The following TCHP variants were observed in gnomAD, a reference collection of about 807,000 sequenced individuals.
The protein encoded by TCHP is trichoplein keratin filament-binding protein.
A neutral mutation model predicts 88.7 loss-of-function variants in TCHP; 81 were observed. That is an observed-to-expected ratio of 0.91 (90% CI 0.76 to 1.10). TCHP has a LOEUF of 1.10. Among genes scored for constraint, TCHP ranks in the 50% least tolerant of loss-of-function variants. The probability of loss-of-function intolerance (pLI) is 0.00; values close to 1 mark genes in which losing one functional copy is unlikely to be tolerated. For synonymous variants in TCHP, 232 were observed against 232.5 expected, an observed-to-expected ratio of 1.00 and a Z score of 0.02; for missense variants, 641 against 632.1, an observed-to-expected ratio of 1.01 and a Z score of -0.15.
rs1869818699 is a variant in TCHP, at chr12:109,901,884, TC to T, written c.1-1142del. On this transcript the variant is annotated intron_variant, in intron 1 of 12. Coordinates refer to ENST00000405876, the MANE Select transcript of TCHP (RefSeq NM_001143852.2). ...CTGGCTAAATAAAGGACTCTTAATT[TC>T]GTCTCAAACTGTGGCGTTTCTCTAA... is the stretch of plus-strand genomic sequence containing the variant. 3.9e-5 allele frequency among the ~76,000 whole-genome samples: 6 copies of T among 152,370 alleles called. No homozygotes were observed. In the South Asian group the frequency reaches 1.2e-3, roughly 32 times the overall value.
chr12:109,904,335 T>A (rs529430618), intron 3 of TCHP, among the ~76,000 whole-genome samples, 188 bp downstream of exon 3: 42 of 152,220 alleles, frequency 2.8e-4, no homozygotes, highest in Non-Finnish European at 5.9e-4. Flanking sequence ...GTAGTCTCTT[T>A]AGCCCCTTCA....
At chr12:109,915,156 C>T (rs2136083517) in intron 11 of TCHP, 2 of 585,362 alleles carry the variant, frequency 3.4e-6, no homozygotes, top group East Asian at 2.9e-5. Flanking sequence ...GCCACGCATA[C>T]AGCCTCTCCA....
intron 8 of TCHP, among the ~76,000 whole-genome samples, chr12:109,909,316 A>G (rs11613779): frequency 6.6e-6 from 1 of 152,142 alleles, no homozygotes; most frequent in Non-Finnish European, 1.5e-5. Context: ...TTTTTCAGTA[A>G]CTGTGTTACT....
intron 1 of TCHP, among the ~76,000 whole-genome samples, chr12:109,901,790 A>T (rs1299371854): frequency 6.6e-6 from 1 of 152,142 alleles, no homozygotes; most frequent in African/African-American, 2.4e-5. Flanking sequence ...CCCCTTCCTA[A>T]ACCAAAGTAT....
chr12:109,883,168 G>A, the TCHP span, among the ~76,000 whole-genome samples: 6 of 151,274 alleles, frequency 4.0e-5, no homozygotes, highest in East Asian at 1.2e-3. Context: ...CAAGTACCTG[G>A]GACTACAGGA....
At chr12:109,883,883 T>G in the TCHP span, among the ~76,000 whole-genome samples, 1 of 152,284 alleles carries the variant, frequency 6.6e-6, no homozygotes, top group East Asian at 1.9e-4. Context: ...CCAAAAAATA[T>G]GATTAGTGCC....
At chr12:109,900,211 G>C (rs1869696885), upstream of TCHP, 1 of 152,252 alleles carries the variant, frequency 6.6e-6, no homozygotes, top group Admixed American at 6.5e-5. Flanking sequence ...GGCCACGACG[G>C]GGCACCAGAG....
intron 5 of TCHP, 131 bp from the exon 6 acceptor site, chr12:109,907,394 CT>C (rs1445329074): frequency 2.3e-6 from 2 of 883,680 alleles, no homozygotes; most frequent in Non-Finnish European, 3.6e-6. Context: ...GACTTGGCGT[CT>C]GAGGGCGTTG....
At position 109,903,998 on chromosome 12, in the gene TCHP, C is replaced by G; in HGVS notation, c.250C>G (p.Arg84Gly). Residue 84 changes from arginine to glycine, a missense_variant, in exon 3 of 13, where the codon CGG becomes GGG. Coordinates refer to ENST00000405876, the MANE Select transcript of TCHP (RefSeq NM_001143852.2). This position sits in a 1 kb window ranked among gnomAD's most constrained non-coding sequence, Gnocchi z 4.6. Reference sequence around the variant, plus strand: ...GAAGAGGAGGAGTCTGGAGGCCCGACGGGAAAAGCTCAGGCAGCTCATGCA... The same window carrying G: ...GAAGAGGAGGAGTCTGGAGGCCCGAGGGGAAAAGCTCAGGCAGCTCATGCA... ...EEKRRSLEAR[R>G]EKLRQLMQEE... 1 of 1,611,216 alleles carries G rather than the reference C, an allele frequency of 6.2e-7. No homozygotes were observed. Among genetic ancestry groups the G allele is most frequent in the South Asian group, 1.1e-5 (1 of 90,276 alleles).
At chr12:109,901,111 C>T (rs1400095884) in intron 1 of TCHP, 2 of 152,214 alleles carry the variant, frequency 1.3e-5, no homozygotes, top group South Asian at 4.1e-4. Flanking sequence ...TATCAGTCCC[C>T]TCCCCGGGGA....
intron 4 of TCHP, 59 bp downstream of exon 4, chr12:109,904,852 CTT>C: frequency 1.2e-5 from 16 of 1,339,350 alleles, no homozygotes; most frequent in South Asian, 2.8e-5. Context: ...TTTCCAGACA[CTT>C]TTTTTTTTGA....
At chr12:109,884,105 C>T in the TCHP span, among the ~76,000 whole-genome samples, 1 of 152,158 alleles carries the variant, frequency 6.6e-6, no homozygotes, top group East Asian at 1.9e-4. Context: ...AGTGGGAGGA[C>T]CCCTTGATCC....
At chr12:109,894,594 C>T in the TCHP span, among the ~76,000 whole-genome samples, 4 of 151,912 alleles carry the variant, frequency 2.6e-5, no homozygotes, top group Non-Finnish European at 5.9e-5. Flanking sequence ...GGAGAAACCC[C>T]ATCTCTACTA....
At chr12:109,910,341 G>A (rs544548454) in intron 8 of TCHP, among the ~76,000 whole-genome samples, 13 of 152,222 alleles carry the variant, frequency 8.5e-5, no homozygotes, top group Non-Finnish European at 1.8e-4. Flanking sequence ...GTTTTTTATG[G>A]GGTCTTGCTC....
In TCHP at chr12:109,900,277, G is replaced by C. The variant is rs1045022317; in HGVS notation, c.-150G>C. On this transcript the variant is annotated 5_prime_UTR_variant, in exon 1 of 13. Coordinates refer to ENST00000405876, the MANE Select transcript of TCHP (RefSeq NM_001143852.2). ...GGCTTGGCCCTTGCGACGCTCCGTCGTCGGGCTCGTTGCCGGTGCAAACAG... is the reference window on the plus strand; with the variant it reads ...GGCTTGGCCCTTGCGACGCTCCGTCCTCGGGCTCGTTGCCGGTGCAAACAG... The C allele has an allele frequency of 2.6e-5, 4 of 152,254 alleles. No individual in the cohort carries two copies. Among genetic ancestry groups the C allele is most frequent in the African/African-American group, 9.6e-5 (4 of 41,472 alleles). The allele number at this position is 152,254 out of a possible 1,614,324, so 9.4% of individuals were successfully genotyped here.
Position 109,908,956 on chromosome 12 carries a change from C to G in TCHP, c.879+19C>G, listed in dbSNP as rs1870324871. On this transcript the variant is annotated intron_variant, in intron 8 of 12. Coordinates refer to ENST00000405876, the MANE Select transcript of TCHP (RefSeq NM_001143852.2). ...GGAGCTGGTAAGTCTGAAGAGACAG[C>G]CTGACATCTTTCTTAGCCTCTTTTG... The G allele has an allele frequency of 1.2e-6, 2 of 1,613,056 alleles. No homozygotes were observed. The highest frequency in any genetic ancestry group is 1.3e-5 in the African/African-American group (1 of 74,894).
chr12:109,900,304 G>A lies in TCHP; in HGVS notation c.-123G>A, dbSNP rs1053052246. 4 of 152,268 alleles carry A rather than the reference G, an allele frequency of 2.6e-5. No homozygotes were observed. Among genetic ancestry groups the A allele is most frequent in the African/African-American group, 9.6e-5 (4 of 41,470 alleles). The allele number at this position is 152,268 out of a possible 1,614,324, so 9.4% of individuals were successfully genotyped here. On this transcript the variant is annotated 5_prime_UTR_variant, in exon 1 of 13. Transcript: ENST00000405876. ...CGGGCTCGTTGCCGGTGCAAACAGG[G>A]AGGAAACAGCCGGCGTTGCTGTAGC...
rs1288880946 is a variant in TCHP, at chr12:109,917,772, C to G, written c.*1149C>G. Reference sequence around the variant, plus strand: ...TTCCTCTGAGGTTTAGTTTTCATCACATTATGTTCAAGATTCCATATCTCC... The same window carrying G: ...TTCCTCTGAGGTTTAGTTTTCATCAGATTATGTTCAAGATTCCATATCTCC... On this transcript the variant is annotated 3_prime_UTR_variant, in exon 13 of 13. Coordinates refer to ENST00000405876, the MANE Select transcript of TCHP (RefSeq NM_001143852.2). The G allele has an allele frequency of 6.6e-6, 1 of 152,588 alleles. No individual in the cohort carries two copies. Among genetic ancestry groups the G allele is most frequent in the East Asian group, 1.9e-4 (1 of 5,204 alleles). 9.5% of individuals were successfully genotyped at this position (152,588 alleles called of 1,614,324 possible). A position where few individuals can be genotyped will look rare whatever the true frequency, so the allele number is the denominator to read the frequency against.
At chr12:109,914,919 CCT>C (rs1177021020) in intron 11 of TCHP, 2 of 419,804 alleles carry the variant, frequency 4.8e-6, no homozygotes, top group African/African-American at 4.1e-5. Context: ...CATTTCAGTC[CCT>C]GATACATAAG....
Sources: allele counts gnomAD v4.1 joint callset (sites outside exome capture counted in the v4.1 genomes callset), GRCh38; gene constraint gnomAD v4.1.1; non-coding constraint Gnocchi (gnomAD v3.1); transcripts MANE v1.5; gene names NCBI Gene and HGNC (gene_info 2026-07-23, HGNC 2026-07-21).